CSMD1: variants seen among roughly 807,000 people sequenced by gnomAD.
The protein encoded by CSMD1 is CUB and sushi domain-containing protein 1.
A neutral mutation model predicts 417.5 loss-of-function variants in CSMD1; 213 were observed. The ratio of observed to expected loss-of-function variants is 0.51; its 90% CI spans 0.46 to 0.57. CSMD1 has a LOEUF of 0.57. Ranked by LOEUF, CSMD1 falls within the 20% of genes least tolerant of loss-of-function variation. The pLI, the probability that CSMD1 is intolerant of heterozygous loss-of-function variation, is 0.00. For missense variants in CSMD1, 6,923 were observed against 4,529.7 expected (o/e 1.53, Z -15.17); for synonymous variants, 2,862 against 1,736.8 (o/e 1.65, Z -16.11).
intron 25 of CSMD1, among the ~76,000 whole-genome samples, chr8:3,306,681 G>A (rs73657805): frequency 0.06 from 9,111 of 152,138 alleles, 877 homozygotes; most frequent in African/African-American, 0.2. Flanking sequence ...TTAATTGAAG[G>A]AAAAATACAT....
intron 3 of CSMD1, among the ~76,000 whole-genome samples, chr8:4,150,044 C>T (rs4875291): frequency 0.31 from 46,887 of 152,050 alleles, 9,032 homozygotes; most frequent in Non-Finnish European, 0.41. Flanking sequence ...GTAAAAGGCA[C>T]GTGTTGCTGT....
At chr8:3,126,202 G>C (rs1817500467) in intron 41 of CSMD1, among the ~76,000 whole-genome samples, 1 of 152,058 alleles carries the variant, frequency 6.6e-6, no homozygotes, top group Non-Finnish European at 1.5e-5. Flanking sequence ...TCTATACAAG[G>C]GCCACAGAAT....
intron 3 of CSMD1, among the ~76,000 whole-genome samples, chr8:4,290,348 A>G (rs1797291257): frequency 6.6e-6 from 1 of 152,222 alleles, no homozygotes; most frequent in Non-Finnish European, 1.5e-5. Flanking sequence ...GTAATGCTCT[A>G]TGACATCTGA....
intron 1 of CSMD1, among the ~76,000 whole-genome samples, chr8:4,653,123 G>C (rs952233671): frequency 6.6e-6 from 1 of 152,098 alleles, no homozygotes; most frequent in Non-Finnish European, 1.5e-5. Flanking sequence ...CCCAGCCACA[G>C]ATTCAGCCCA....
At chr8:4,035,230 G>A (rs1318764533) in intron 3 of CSMD1, among the ~76,000 whole-genome samples, 1 of 152,092 alleles carries the variant, frequency 6.6e-6, no homozygotes, top group South Asian at 2.1e-4. Context: ...CTGTGGTGAC[G>A]CCGGTGTGAA....
intron 4 of CSMD1, among the ~76,000 whole-genome samples, chr8:4,031,585 T>C (rs780872104): frequency 9.9e-5 from 15 of 152,156 alleles, no homozygotes; most frequent in Non-Finnish European, 1.8e-4. Flanking sequence ...CTAAATCATA[T>C]CAGAAGTCAT....
chr8:3,108,900 T>C lies in CSMD1; in HGVS notation c.6609-152A>G, dbSNP rs148987022. Among the ~76,000 whole-genome samples, 17 of 152,348 alleles carry C rather than the reference T, an allele frequency of 1.1e-4. No individual in the cohort carries two copies. In the East Asian group the frequency reaches 1.7e-3, roughly 16 times the overall value. ...TGTTTGTAAACATCAAGATGTTGAA[T>C]GTCCACAAAGTTGAGGAACCCTCCA... On this transcript the variant is annotated intron_variant, in intron 43 of 69. Transcript: ENST00000635120.
chr8:3,124,148 AG>A (rs1374818601), intron 41 of CSMD1, among the ~76,000 whole-genome samples: 1 of 151,424 alleles, frequency 6.6e-6, no homozygotes, highest in Non-Finnish European at 1.5e-5. Flanking sequence ...GCGTGTGGGG[AG>A]GGGGGAGCAG....
chr8:3,421,520 C>T (rs1358774000), intron 12 of CSMD1, among the ~76,000 whole-genome samples: 2 of 152,174 alleles, frequency 1.3e-5, no homozygotes, highest in African/African-American at 4.8e-5. Flanking sequence ...ATGAAAATAA[C>T]AATTTTGTAG....
At chr8:3,927,923 T>A (rs1194046121) in intron 5 of CSMD1, among the ~76,000 whole-genome samples, 1 of 152,142 alleles carries the variant, frequency 6.6e-6, no homozygotes, top group Admixed American at 6.5e-5. Context: ...TACATCAAAT[T>A]CTTTGTTTTG....
chr8:4,898,956 A>C (rs554454007), intron 1 of CSMD1, among the ~76,000 whole-genome samples: 1 of 152,332 alleles, frequency 6.6e-6, no homozygotes, highest in East Asian at 1.9e-4. Context: ...TACAGTTATA[A>C]AATTATTTTT....
chr8:4,478,179 CCT>C (rs1800902645), intron 2 of CSMD1, among the ~76,000 whole-genome samples: 1 of 152,116 alleles, frequency 6.6e-6, no homozygotes, highest in Non-Finnish European at 1.5e-5. Flanking sequence ...TCCTTCTTCC[CCT>C]CTTTTTATAT....
chr8:3,790,115 T>C (rs1428611769), intron 5 of CSMD1, among the ~76,000 whole-genome samples: 3 of 152,228 alleles, frequency 2.0e-5, no homozygotes, highest in Non-Finnish European at 4.4e-5. Flanking sequence ...GTTAGCTGCT[T>C]ATAGTTATTT....
chr8:4,408,601 G>C (rs780846907), intron 3 of CSMD1, among the ~76,000 whole-genome samples: 7 of 152,138 alleles, frequency 4.6e-5, no homozygotes, highest in Non-Finnish European at 1.0e-4. Flanking sequence ...AAGCAATTAA[G>C]AAATGTCTGA....
intron 3 of CSMD1, among the ~76,000 whole-genome samples, chr8:4,382,317 A>G (rs139868180): frequency 3.3e-5 from 5 of 152,334 alleles, no homozygotes; most frequent in South Asian, 2.1e-4. Flanking sequence ...GAGGAGTTAT[A>G]TGTGCACTTT....
At chr8:4,591,558 G>C (rs895644661) in intron 2 of CSMD1, among the ~76,000 whole-genome samples, 2 of 152,170 alleles carry the variant, frequency 1.3e-5, no homozygotes, top group African/African-American at 4.8e-5. Flanking sequence ...GAGGACTGTA[G>C]TGCAGGCTTC....
At chr8:4,811,844 G>C (rs1178750097) in intron 1 of CSMD1, among the ~76,000 whole-genome samples, 1 of 151,678 alleles carries the variant, frequency 6.6e-6, no homozygotes, top group Non-Finnish European at 1.5e-5. Flanking sequence ...TTTCTTCTAT[G>C]AGACAGTGAA....
intron 1 of CSMD1, among the ~76,000 whole-genome samples, chr8:4,716,443 C>G (rs1190710839): frequency 2.6e-5 from 4 of 152,116 alleles, no homozygotes; most frequent in African/African-American, 9.7e-5. Context: ...AGATTAATAT[C>G]TGAAAAACAG....
At position 4,486,114 on chromosome 8, in the gene CSMD1, T is replaced by TATAC. The variant is rs1157912184; in HGVS notation, c.303-66053_303-66050dup. The stretch of plus-strand genomic sequence containing the variant: ...CATCATACATATATATGTATGTATA[T>TATAC]ATACATACATATATATATATATACA... On this transcript the variant is annotated intron_variant, in intron 2 of 69. Transcript: ENST00000635120. 3.5e-5 allele frequency among the ~76,000 whole-genome samples: 4 copies of TATAC among 114,536 alleles called. No individual in the cohort carries two copies. The Admixed American group carries it at 4.0e-4, about 11-fold the overall frequency. 75.1% of individuals were successfully genotyped at this position (114,536 alleles called of 152,430 possible).
Sources: gnomAD v4.1 joint callset for allele counts (sites outside exome capture counted in the v4.1 genomes callset) on GRCh38, gnomAD v4.1.1 for gene constraint, MANE v1.5 for transcripts, NCBI Gene and HGNC (gene_info 2026-07-23, HGNC 2026-07-21) for gene names.